Variants in PLCH1 observed in about 807,000 individuals in gnomAD.
PLCH1 encodes the protein phospholipase C eta 1, also known as 1-phosphatidylinositol 4,5-bisphosphate phosphodiesterase eta-1.
In PLCH1, 60 loss-of-function variants were observed where a neutral mutation model predicts 126.7. The ratio of observed to expected loss-of-function variants is 0.47; its 90% CI spans 0.38 to 0.59. The LOEUF is 0.59. Among genes scored for constraint, PLCH1 ranks in the 20% least tolerant of loss-of-function variants. The pLI, the probability that PLCH1 is intolerant of heterozygous loss-of-function variation, is 0.00. For missense variants in PLCH1, 1,723 were observed against 2,040.0 expected, an observed-to-expected ratio of 0.84 and a Z score of 2.99; for synonymous variants, 719 against 734.9, an observed-to-expected ratio of 0.98 and a Z score of 0.35.
At chr3:155,646,608 G>T (rs1425403197) in intron 2 of PLCH1, among the ~76,000 whole-genome samples, 2 of 152,144 alleles carry the variant, frequency 1.3e-5, no homozygotes, top group Admixed American at 1.3e-4. Flanking sequence ...TGCCCTTCTA[G>T]GAATAACCTT....
Position 155,485,662 on chromosome 3 carries a change from G to A in PLCH1, c.2668C>T (p.His890Tyr). Reference sequence around the variant, plus strand: ...TGGGAATTGTTTTCTGAAGAACTGTGCCTAGGATTCTTATTGAACAGTCCC... The same window carrying A: ...TGGGAATTGTTTTCTGAAGAACTGTACCTAGGATTCTTATTGAACAGTCCC... ...LKGLFNKNPR[H>Y]SSSENNSHYV... The change falls in exon 22 of 23, where the codon CAC becomes TAC. Residue 890 changes from histidine (H) to tyrosine (Y), a missense_variant. His to Tyr is a moderately conservative substitution (Grantham distance 83). This residue lies in a region of PLCH1 where 947 missense variants were observed against 977.1 expected (regional missense o/e 0.97). Coordinates refer to ENST00000460012, the MANE Select transcript of PLCH1 (RefSeq NM_014996.4). 2 of 1,606,868 alleles carry A rather than the reference G, an allele frequency of 1.2e-6. No homozygotes were observed. The highest frequency in any genetic ancestry group is 1.1e-5 in the South Asian group (1 of 91,080).
chr3:155,614,532 T>A (rs970905220), intron 2 of PLCH1, among the ~76,000 whole-genome samples: 8 of 152,068 alleles, frequency 5.3e-5, no homozygotes, highest in African/African-American at 1.9e-4. Context: ...AACTTCAAAC[T>A]ATACTACAAG....
intron 8 of PLCH1, among the ~76,000 whole-genome samples, chr3:155,558,444 T>C (rs1017536707): frequency 2.6e-5 from 4 of 152,208 alleles, no homozygotes; most frequent in Non-Finnish European, 5.9e-5. Context: ...TCCCGGTAGA[T>C]GCCTGAAACT....
chr3:155,534,894 T>C (rs1015952762), intron 10 of PLCH1, among the ~76,000 whole-genome samples: 3 of 152,182 alleles, frequency 2.0e-5, no homozygotes, highest in African/African-American at 4.8e-5. Flanking sequence ...TCTGCCATGA[T>C]TGTAAGTTTC....
In PLCH1 at chr3:155,480,915, T is replaced by G. The variant is rs2107997749; in HGVS notation, c.*53A>C. On this transcript the variant is annotated 3_prime_UTR_variant, in exon 23 of 23. Transcript: ENST00000460012. Reference sequence around the variant, plus strand: ...GCCAAGGAACTTATTTACTGAAAACTCTGACATTCTACAGAATACCTTGAA... The same window carrying G: ...GCCAAGGAACTTATTTACTGAAAACGCTGACATTCTACAGAATACCTTGAA... 1 of 1,402,818 alleles carries G rather than the reference T, an allele frequency of 7.1e-7. No homozygotes were observed. Among genetic ancestry groups the G allele is most frequent in the South Asian group, 1.4e-5 (1 of 71,788 alleles). The allele number at this position is 1,402,818 out of a possible 1,614,324, so 86.9% of individuals were successfully genotyped here. A position where few individuals can be genotyped will look rare whatever the true frequency, so the allele number is the denominator to read the frequency against.
At chr3:155,504,292 A>C (rs748346648) in intron 13 of PLCH1, among the ~76,000 whole-genome samples, 1 of 152,350 alleles carries the variant, frequency 6.6e-6, no homozygotes, top group East Asian at 1.9e-4. Context: ...ATGTATATTT[A>C]AGATGTTAAA....
intron 3 of PLCH1, 44 bp from the exon 4 acceptor site, chr3:155,594,228 A>G (rs373685399): frequency 1.3e-6 from 2 of 1,570,444 alleles, no homozygotes; most frequent in African/African-American, 2.7e-5. Context: ...GCAGGCAAAG[A>G]TACTTCTTTA....
At chr3:155,661,002 G>C (rs1469527422) in intron 2 of PLCH1, among the ~76,000 whole-genome samples, 2 of 152,188 alleles carry the variant, frequency 1.3e-5, no homozygotes, top group Non-Finnish European at 2.9e-5. Context: ...GGCATATTTA[G>C]AATAGGGAAG....
intron 10 of PLCH1, 49 bp downstream of exon 10, chr3:155,549,738 G>C (rs1248436522): frequency 1.5e-6 from 2 of 1,317,154 alleles, no homozygotes; most frequent in South Asian, 1.3e-5. Context: ...AGGGAGGGCA[G>C]GCTTAGCTGA....
intron 1 of PLCH1, among the ~76,000 whole-genome samples, chr3:155,740,699 G>A (rs748639041): frequency 8.6e-5 from 13 of 152,040 alleles, no homozygotes; most frequent in Non-Finnish European, 1.8e-4. Context: ...ATTAAAAATC[G>A]TATTTAAAAA....
rs116476577 is a variant in PLCH1, at chr3:155,451,958, A to G, written c.2938+33398T>C. Among the ~76,000 whole-genome samples the G allele has an allele frequency of 3.5e-3, 540 of 152,158 alleles. 5 individuals are homozygous for G. Among genetic ancestry groups the G allele is most frequent in the African/African-American group, 0.012 (478 of 41,510 alleles). ...CTGCCGGGACTTCTCAGTCCCCATA[A>G]TCACATCAGCCCATTCCTTATAATA... On this transcript the variant is annotated intron_variant, in intron 21 of 21. Coordinates refer to the PLCH1 transcript ENST00000494598.
chr3:155,607,040 A>T (rs927657852), intron 2 of PLCH1, among the ~76,000 whole-genome samples: 5 of 152,194 alleles, frequency 3.3e-5, no homozygotes, highest in African/African-American at 1.2e-4. Flanking sequence ...TTTCCTGGAC[A>T]AAATGGTGTG....
intron 10 of PLCH1, among the ~76,000 whole-genome samples, chr3:155,534,416 A>G (rs1192236085): frequency 6.6e-6 from 1 of 152,184 alleles, no homozygotes; most frequent in African/African-American, 2.4e-5. Flanking sequence ...GAATGGGAGC[A>G]TTTATCCAAT....
chr3:155,744,240 G>A (rs1749823439), intron 1 of PLCH1, among the ~76,000 whole-genome samples: 1 of 152,210 alleles, frequency 6.6e-6, no homozygotes, highest in East Asian at 1.9e-4. Context: ...TGCCGCCGCG[G>A]GGCCGGGGTT....
intron 11 of PLCH1, among the ~76,000 whole-genome samples, chr3:155,522,877 G>C (rs929301928): frequency 6.7e-6 from 1 of 149,800 alleles, no homozygotes; most frequent in Admixed American, 6.7e-5. Context: ...AGAAAGAAGC[G>C]ATGAGGCATC....
chr3:155,592,129 A>T (rs1409866848), intron 4 of PLCH1, among the ~76,000 whole-genome samples: 1 of 150,974 alleles, frequency 6.6e-6, no homozygotes, highest in Non-Finnish European at 1.5e-5. Context: ...AAATGATGAG[A>T]AGTTGTCTTT....
chr3:155,454,700 C>A (rs1437734643), intron 21 of PLCH1, among the ~76,000 whole-genome samples: 1 of 152,178 alleles, frequency 6.6e-6, no homozygotes, highest in Non-Finnish European at 1.5e-5. Flanking sequence ...AGGTTCCAGT[C>A]ATGTCTCAGT....
rs756106351 is a variant in PLCH1 at position 155,488,034 on chromosome 3, A to G, written c.2613T>C (p.Tyr871=). ...IFVHITINEI[Y]GKNRQLQGLK... is the part of the protein sequence containing the mutation. ...ATCCTATGATCTTTCTCACCTTTCCATAGATTTCATTGATGGTTATGTGTA... is the reference window on the plus strand; with the variant it reads ...ATCCTATGATCTTTCTCACCTTTCCGTAGATTTCATTGATGGTTATGTGTA... The change falls in exon 21 of 23, where the codon TAT becomes TAC. Residue 871 remains tyrosine (Y), a synonymous_variant. Transcript: ENST00000460012. 3.2e-6 allele frequency: 5 copies of G among 1,572,646 alleles called. No individual in the cohort carries two copies. The highest frequency in any genetic ancestry group is 4.4e-6 in the Non-Finnish European group (5 of 1,142,178).
intron 7 of PLCH1, among the ~76,000 whole-genome samples, chr3:155,566,091 A>G (rs936111443): frequency 1.4e-5 from 2 of 145,968 alleles, no homozygotes; most frequent in African/African-American, 5.0e-5. Flanking sequence ...AGCCTTTTAA[A>G]TATAACCTAA....
Sources: gnomAD v4.1 joint callset for allele counts (sites outside exome capture counted in the v4.1 genomes callset) on GRCh38, gnomAD v4.1.1 for gene constraint, gnomAD v4.1.1 regional missense constraint, MANE v1.5 for transcripts, NCBI Gene and HGNC (gene_info 2026-07-23, HGNC 2026-07-21) for gene names.